The following PCDHA8 variants were observed in gnomAD, a reference collection of about 807,000 sequenced individuals.
The protein encoded by PCDHA8 is protocadherin alpha-8.
In PCDHA8, 53 loss-of-function variants were observed where a neutral mutation model predicts 61.8. The ratio of observed to expected loss-of-function variants is 0.86; its 90% confidence interval spans 0.69 to 1.08. PCDHA8 has a LOEUF of 1.08. Among genes scored for constraint, PCDHA8 ranks in the 50% least tolerant of loss-of-function variants. The probability of loss-of-function intolerance (pLI) is 0.00; values close to 1 mark genes in which losing one functional copy is unlikely to be tolerated. For missense variants in PCDHA8, 1,293 were observed against 1,245.0 expected, an observed-to-expected ratio of 1.04 and a Z score of -0.58; for synonymous variants, 618 against 556.6, an observed-to-expected ratio of 1.11 and a Z score of -1.55.
rs371246236 is a variant in PCDHA8 at position 140,876,855 on chromosome 5, A to G, written c.2394+33140A>G. ...CTGCGTTCGCGCAGCCCGAGTACACAGTGTTCGTGAAGGAGAACAACCCGC... is the reference window on the plus strand; with the variant it reads ...CTGCGTTCGCGCAGCCCGAGTACACGGTGTTCGTGAAGGAGAACAACCCGC... On this transcript the variant is annotated intron_variant, in intron 1 of 3. Coordinates refer to ENST00000531613, the MANE Select transcript of PCDHA8 (RefSeq NM_018911.3). The G allele has an allele frequency of 2.0e-4, 322 of 1,614,052 alleles. 4 individuals are homozygous for G. The East Asian group carries it at 3.4e-3, about 17-fold the overall frequency.
At chr5:140,912,578 A>G (rs2075983045) in intron 1 of PCDHA8, among the ~76,000 whole-genome samples, 1 of 152,052 alleles carries the variant, frequency 6.6e-6, no homozygotes, top group Admixed American at 6.5e-5. Context: ...CCTCTTTTCC[A>G]ATTTGGATGC....
At chr5:140,890,688 T>C (rs570229410) in intron 1 of PCDHA8, among the ~76,000 whole-genome samples, 4 of 152,334 alleles carry the variant, frequency 2.6e-5, no homozygotes, top group Admixed American at 2.6e-4. Flanking sequence ...TTCTGGGAAA[T>C]GCAGGGACCT....
intron 1 of PCDHA8, among the ~76,000 whole-genome samples, chr5:140,932,599 A>G (rs2088459196): frequency 6.6e-6 from 1 of 151,912 alleles, no homozygotes; most frequent in Non-Finnish European, 1.5e-5. Context: ...TTGTATATCT[A>G]TTTTGACTTT....
chr5:140,907,812 C>T (rs888159954), intron 1 of PCDHA8, among the ~76,000 whole-genome samples: 17 of 152,192 alleles, frequency 1.1e-4, no homozygotes, highest in Admixed American at 2.6e-4. Flanking sequence ...GTCCACAGAA[C>T]GAGTCATCCT....
At chr5:140,913,235 G>A (rs1554195817) in intron 1 of PCDHA8, among the ~76,000 whole-genome samples, 4 of 152,144 alleles carry the variant, frequency 2.6e-5, no homozygotes. Context: ...TTTGCTGGGA[G>A]ACTTTTTGTT....
intron 1 of PCDHA8, chr5:140,849,462 G>GTC (rs2150438289): frequency 6.3e-7 from 1 of 1,588,650 alleles, no homozygotes; most frequent in Non-Finnish European, 8.6e-7. Context: ...AGTCGAGGCT[G>GTC]TCGATAAAGG....
At chr5:140,966,764 G>T in intron 1 of PCDHA8, 1 of 1,475,264 alleles carries the variant, frequency 6.8e-7, no homozygotes, top group Non-Finnish European at 9.0e-7. Context: ...GCGGCCAGTG[G>T]CTATGGAGCA....
At chr5:140,887,770 G>A (rs2061571546) in intron 1 of PCDHA8, among the ~76,000 whole-genome samples, 2 of 152,072 alleles carry the variant, frequency 1.3e-5, no homozygotes, top group South Asian at 4.1e-4. Flanking sequence ...ATGTTACAAT[G>A]ACACAGGTCA....
intron 1 of PCDHA8, among the ~76,000 whole-genome samples, chr5:140,924,229 T>G (rs543275737): frequency 6.6e-6 from 1 of 152,258 alleles, no homozygotes; most frequent in Non-Finnish European, 1.5e-5. Flanking sequence ...TCAATTTTTA[T>G]GGGCTGTTTT....
intron 2 of PCDHA8, among the ~76,000 whole-genome samples, chr5:140,980,141 T>C (rs1241352797): frequency 1.3e-5 from 2 of 152,164 alleles, no homozygotes; most frequent in Non-Finnish European, 2.9e-5. Context: ...CCAGAAACAT[T>C]CATGCATATA....
intron 1 of PCDHA8, chr5:140,852,884 T>A (rs1486240342): frequency 6.4e-6 from 6 of 931,694 alleles, no homozygotes; most frequent in Non-Finnish European, 7.8e-6. Context: ...TCATAAAACG[T>A]ATTTTTTTTT....
chr5:140,894,554 G>GAAA (rs1204407145), intron 1 of PCDHA8, among the ~76,000 whole-genome samples: 2 of 151,600 alleles, frequency 1.3e-5, no homozygotes, highest in African/African-American at 4.8e-5. Context: ...GTTTACTTCT[G>GAAA]AAAAAATTAT....
intron 1 of PCDHA8, among the ~76,000 whole-genome samples, chr5:140,963,912 A>C (rs2095797972): frequency 6.6e-6 from 1 of 152,246 alleles, no homozygotes. Flanking sequence ...AGTGAAGCTT[A>C]GGCTAAGTAA....
intron 1 of PCDHA8, among the ~76,000 whole-genome samples, chr5:140,897,922 C>T (rs1476419563): frequency 3.3e-5 from 5 of 152,164 alleles, no homozygotes; most frequent in Non-Finnish European, 5.9e-5. Context: ...TTTTGATTTG[C>T]GTTTCTCTGA....
At chr5:140,921,850 G>C (rs2080436717) in intron 1 of PCDHA8, among the ~76,000 whole-genome samples, 1 of 151,984 alleles carries the variant, frequency 6.6e-6, no homozygotes, top group African/African-American at 2.4e-5. Context: ...ATTTATAGAT[G>C]TGTGTGTATA....
At chr5:140,939,712 C>T (rs1019626550) in intron 1 of PCDHA8, among the ~76,000 whole-genome samples, 2 of 152,256 alleles carry the variant, frequency 1.3e-5, no homozygotes, top group East Asian at 1.9e-4. Context: ...TTGTGAGATA[C>T]ATTTATATTG....
rs1554168216 is a variant in PCDHA8, at chr5:140,876,040, A to G, written c.2394+32325A>G. 2 of 1,613,752 alleles carry G rather than the reference A, an allele frequency of 1.2e-6. No homozygotes were observed. Among genetic ancestry groups the G allele is most frequent in the African/African-American group, 1.3e-5 (1 of 74,922 alleles). ...AATAAAAACAAAAAAAGATAAAAGT[A>G]TATTGCCTGAATTAGTTCTTCGGAA... On this transcript the variant is annotated intron_variant, in intron 1 of 3. Coordinates refer to ENST00000531613, the MANE Select transcript of PCDHA8 (RefSeq NM_018911.3).
At chr5:140,924,901 AAAAAT>A (rs10667761) in intron 1 of PCDHA8, among the ~76,000 whole-genome samples, 4,416 of 80,206 alleles carry the variant, frequency 0.055, 204 homozygotes, top group African/African-American at 0.16. Flanking sequence ...TCTCAAAAAA[AAAAAT>A]AAAATAAAAT....
chr5:140,950,855 T>C (rs2094525829), intron 1 of PCDHA8, among the ~76,000 whole-genome samples: 2 of 152,102 alleles, frequency 1.3e-5, no homozygotes, highest in African/African-American at 4.8e-5. Context: ...TTCTTTCATA[T>C]TCTTGTATAT....
Sources: gnomAD v4.1 joint callset for allele counts (sites outside exome capture counted in the v4.1 genomes callset) on GRCh38, gnomAD v4.1.1 for gene constraint, MANE v1.5 for transcripts, NCBI Gene and HGNC (gene_info 2026-07-23, HGNC 2026-07-21) for gene names.